MACROD1: variants seen among roughly 807,000 people sequenced by gnomAD.
MACROD1 encodes mono-ADP ribosylhydrolase 1, also known as ADP-ribose glycohydrolase MACROD1.
MACROD1 carries 31 observed loss-of-function variants against 41.4 expected under a neutral mutation model. That is an observed-to-expected ratio of 0.75 (90% CI 0.56 to 1.01). The LOEUF is 1.01. Among genes scored for constraint, MACROD1 ranks in the 50% least tolerant of loss-of-function variants. The pLI, the probability that MACROD1 is intolerant of heterozygous loss-of-function variation, is 0.00. For synonymous variants in MACROD1, 252 were observed against 203.4 expected (o/e 1.24, Z -2.03); for missense variants, 473 against 460.0 (o/e 1.03, Z -0.26).
chr11:63,998,970 G>T lies in MACROD1; in HGVS notation c.958C>A (p.His320Asn). The part of the protein sequence containing the change: ...DEDIYRSRLP[H>N]YFPVA ...GGGCACGTACCCACGGGGAAGTAGT[G>T]GGGGAGCCGGCTCCGGTAGATGTCC... The change falls in exon 9 of 11, where the codon CAC becomes AAC. Residue 320 changes from histidine (H) to asparagine (N), a missense_variant. Transcript: ENST00000255681. The T allele has an allele frequency of 6.2e-7, 1 of 1,605,592 alleles. No individual in the cohort carries two copies. Among genetic ancestry groups the T allele is most frequent in the Admixed American group, 1.7e-5 (1 of 59,224 alleles).
intron 3 of MACROD1, among the ~76,000 whole-genome samples, chr11:64,061,455 G>A (rs2134438808): frequency 6.6e-6 from 1 of 152,312 alleles, no homozygotes; most frequent in African/African-American, 2.4e-5. Context: ...CAACAGCTTC[G>A]TGGGCTTTCC....
At chr11:64,039,150 G>C (rs1390523600) in intron 3 of MACROD1, among the ~76,000 whole-genome samples, 1 of 152,200 alleles carries the variant, frequency 6.6e-6, no homozygotes, top group Non-Finnish European at 1.5e-5. Flanking sequence ...ATGCCCCAGA[G>C]CAAGGGGGAG....
intron 4 of MACROD1, among the ~76,000 whole-genome samples, chr11:64,014,781 C>T (rs1054398331): frequency 1.3e-5 from 2 of 152,226 alleles, no homozygotes; most frequent in Non-Finnish European, 2.9e-5. Context: ...CCGTGGTGGT[C>T]GTTAACAATG....
At chr11:64,023,470 T>C (rs1943184806) in intron 3 of MACROD1, among the ~76,000 whole-genome samples, 1 of 152,178 alleles carries the variant, frequency 6.6e-6, no homozygotes, top group Non-Finnish European at 1.5e-5. Flanking sequence ...AGGGCTTCAC[T>C]GTGGCAGTGG....
At chr11:64,098,931 TGAAACAG>T (rs1364793726) in intron 3 of MACROD1, among the ~76,000 whole-genome samples, 1 of 152,150 alleles carries the variant, frequency 6.6e-6, no homozygotes, top group East Asian at 1.9e-4. Context: ...AAGGTTGAAA[TGAAACAG>T]GAGGGCTAAT....
intron 3 of MACROD1, among the ~76,000 whole-genome samples, chr11:64,043,146 G>A (rs566037041): frequency 3.3e-5 from 5 of 152,268 alleles, no homozygotes; most frequent in Admixed American, 2.0e-4. Flanking sequence ...GATGGCATAC[G>A]TGCTGACATC....
intron 3 of MACROD1, among the ~76,000 whole-genome samples, chr11:64,048,727 C>A (rs1943633326): frequency 6.6e-6 from 1 of 152,192 alleles, no homozygotes; most frequent in South Asian, 2.1e-4. Context: ...CAAGGCTCTG[C>A]AGGGTTAGGA....
chr11:64,077,123 G>A (rs1409023281), intron 3 of MACROD1, among the ~76,000 whole-genome samples: 3 of 152,122 alleles, frequency 2.0e-5, no homozygotes, highest in African/African-American at 2.4e-5. Context: ...GTCCAGCCTC[G>A]GGTAGGCCTG....
intron 3 of MACROD1, among the ~76,000 whole-genome samples, chr11:64,079,593 G>T (rs1435650946): frequency 2.0e-5 from 3 of 152,182 alleles, no homozygotes; most frequent in African/African-American, 4.8e-5. Flanking sequence ...GGTCCTGGGC[G>T]TGGGGTGGGA....
intron 3 of MACROD1, among the ~76,000 whole-genome samples, chr11:64,115,571 G>A (rs2134612258): frequency 6.6e-6 from 1 of 152,352 alleles, no homozygotes; most frequent in South Asian, 2.1e-4. Context: ...AGTGACAACA[G>A]GACATGTTGT....
intron 3 of MACROD1, among the ~76,000 whole-genome samples, chr11:64,072,528 G>A (rs907407955): frequency 3.9e-5 from 6 of 152,194 alleles, no homozygotes; most frequent in African/African-American, 1.2e-4. Context: ...CCGTGAACCC[G>A]CCACAGAAAC....
intron 3 of MACROD1, among the ~76,000 whole-genome samples, chr11:64,045,582 C>T (rs1477304586): frequency 1.3e-5 from 2 of 152,090 alleles, no homozygotes; most frequent in Non-Finnish European, 2.9e-5. Context: ...GAGGGTCTGC[C>T]GAGGGAGCAG....
At chr11:64,118,288 CATGATG>C in intron 3 of MACROD1, 1 of 1,560,678 alleles carries the variant, frequency 6.4e-7, no homozygotes. Flanking sequence ...TACTCCTACA[CATGATG>C]CCCGCCCACC....
At chr11:64,160,579 G>A (rs1945738796) in intron 1 of MACROD1, among the ~76,000 whole-genome samples, 1 of 152,256 alleles carries the variant, frequency 6.6e-6, no homozygotes. Context: ...TGCAGGCGGA[G>A]GTGGGAGGAT....
At chr11:64,136,879 TG>T (rs1366296913) in intron 3 of MACROD1, among the ~76,000 whole-genome samples, 1 of 151,664 alleles carries the variant, frequency 6.6e-6, no homozygotes, top group Admixed American at 6.6e-5. Context: ...TCTGCAGGGA[TG>T]GGGGGATGAG....
At chr11:64,140,203 C>T (rs1555032433) in intron 3 of MACROD1, among the ~76,000 whole-genome samples, 2 of 152,234 alleles carry the variant, frequency 1.3e-5, no homozygotes, top group Non-Finnish European at 2.9e-5. Context: ...TCTCTGGGGA[C>T]ATCCCCTGTC....
At chr11:64,130,687 C>T (rs1945252677) in intron 3 of MACROD1, among the ~76,000 whole-genome samples, 1 of 152,190 alleles carries the variant, frequency 6.6e-6, no homozygotes, top group Non-Finnish European at 1.5e-5. Flanking sequence ...TCCAGGACCC[C>T]CCCACACATG....
At chr11:64,035,193 G>T (rs908408346) in intron 3 of MACROD1, among the ~76,000 whole-genome samples, 1 of 152,192 alleles carries the variant, frequency 6.6e-6, no homozygotes, top group Non-Finnish European at 1.5e-5. Context: ...GGGGATGGGA[G>T]GGGGCGCTGG....
intron 4 of MACROD1, among the ~76,000 whole-genome samples, chr11:64,009,424 G>A (rs1942967397): frequency 6.6e-6 from 1 of 152,108 alleles, no homozygotes; most frequent in Non-Finnish European, 1.5e-5. Context: ...TGCTCTACCT[G>A]CAGAACTCCT....
Sources: gnomAD v4.1 joint callset for allele counts (sites outside exome capture counted in the v4.1 genomes callset) on GRCh38, gnomAD v4.1.1 for gene constraint, MANE v1.5 for transcripts, NCBI Gene and HGNC (gene_info 2026-07-23, HGNC 2026-07-21) for gene names.